Variants in CACNB2 observed in about 807,000 individuals in gnomAD.
CACNB2 encodes the protein voltage-dependent L-type calcium channel subunit beta-2.
In CACNB2, 42 loss-of-function variants were observed where a neutral mutation model predicts 73.3. The observed-to-expected ratio is 0.57, with a 90% CI of 0.45 to 0.74. The LOEUF (loss-of-function observed/expected upper bound fraction) is 0.74, where lower values mean the gene tolerates loss of function less well. CACNB2 is among the 30% of genes least tolerant of loss of function. The pLI is 0.00. For synonymous variants in CACNB2, 348 were observed against 310.3 expected (o/e 1.12, Z -1.28); for missense variants, 940 against 853.0 (o/e 1.10, Z -1.27).
At chr10:18,220,238 G>T (rs867037869) in intron 2 of CACNB2, among the ~76,000 whole-genome samples, 1,196 of 59,214 alleles carry the variant, frequency 0.02, 6 homozygotes, top group East Asian at 0.038. Context: ...TATATAGAGA[G>T]AGAGAGAGAG....
At chr10:18,335,276 A>T (rs898343050) in intron 2 of CACNB2, among the ~76,000 whole-genome samples, 2 of 152,112 alleles carry the variant, frequency 1.3e-5, no homozygotes, top group Non-Finnish European at 2.9e-5. Flanking sequence ...ATTATCTATC[A>T]TCTAAACCAT....
At chr10:18,255,499 A>C (rs184091393) in intron 2 of CACNB2, among the ~76,000 whole-genome samples, 5 of 152,268 alleles carry the variant, frequency 3.3e-5, no homozygotes, top group Middle Eastern at 3.4e-3. Flanking sequence ...ATTTGATTCA[A>C]ATTGCCTTGC....
At chr10:18,263,628 T>G (rs994380121) in intron 2 of CACNB2, among the ~76,000 whole-genome samples, 1 of 152,242 alleles carries the variant, frequency 6.6e-6, no homozygotes, top group Non-Finnish European at 1.5e-5. Context: ...TAAGAATTCC[T>G]CCTACTCAAA....
chr10:18,371,806 T>G (rs949788304), intron 2 of CACNB2, among the ~76,000 whole-genome samples: 6 of 152,220 alleles, frequency 3.9e-5, no homozygotes, highest in African/African-American at 7.2e-5. Context: ...TGAACTAGTT[T>G]ACAGTCCCAC....
chr10:18,356,088 G>A (rs1195791192), intron 2 of CACNB2, among the ~76,000 whole-genome samples: 1 of 152,174 alleles, frequency 6.6e-6, no homozygotes, highest in Admixed American at 6.5e-5. Context: ...GGTCCCAGGA[G>A]ACCTGGATCT....
chr10:18,176,784 A>C (rs145181892), intron 2 of CACNB2, among the ~76,000 whole-genome samples: 81 of 151,988 alleles, frequency 5.3e-4, no homozygotes, highest in African/African-American at 4.6e-4. Flanking sequence ...GTTTCAGAGA[A>C]TGCTGGGTGG....
chr10:18,427,350 A>T (rs2045659813), intron 3 of CACNB2, among the ~76,000 whole-genome samples: 1 of 151,948 alleles, frequency 6.6e-6, no homozygotes, highest in Non-Finnish European at 1.5e-5. Flanking sequence ...ACCTTTTTTT[A>T]ACATGTCGCT....
chr10:18,294,716 C>G (rs2039206775), intron 2 of CACNB2, among the ~76,000 whole-genome samples: 1 of 152,200 alleles, frequency 6.6e-6, no homozygotes, highest in Admixed American at 6.5e-5. Context: ...TGCTCAGATG[C>G]AAAGGCAGGA....
chr10:18,246,933 G>A (rs572455522), intron 2 of CACNB2, among the ~76,000 whole-genome samples: 1 of 152,046 alleles, frequency 6.6e-6, no homozygotes, highest in Non-Finnish European at 1.5e-5. Context: ...TTTAAACCTA[G>A]CCCGAATAAG....
chr10:18,423,067 G>A (rs113479298), intron 3 of CACNB2, among the ~76,000 whole-genome samples: 3,055 of 152,326 alleles, frequency 0.02, 45 homozygotes, highest in Middle Eastern at 0.034. Flanking sequence ...CACATGATCT[G>A]AGTGATAGGA....
chr10:18,217,006 C>T (rs1043939932), intron 2 of CACNB2, among the ~76,000 whole-genome samples: 8 of 152,118 alleles, frequency 5.3e-5, no homozygotes, highest in Admixed American at 4.6e-4. Context: ...ATAAATAGAA[C>T]CTTTTTATTC....
At chr10:18,200,454 C>T (rs1326758665) in intron 2 of CACNB2, among the ~76,000 whole-genome samples, 7 of 151,284 alleles carry the variant, frequency 4.6e-5, no homozygotes, top group Admixed American at 4.6e-4. Context: ...AAGGGGAAAT[C>T]TGATTGAATT....
intron 5 of CACNB2, among the ~76,000 whole-genome samples, chr10:18,503,937 C>T (rs1207873801): frequency 1.3e-5 from 2 of 152,142 alleles, no homozygotes; most frequent in Non-Finnish European, 2.9e-5. Context: ...CTCATAAAAA[C>T]TCCCCTGGCT....
intron 10 of CACNB2, among the ~76,000 whole-genome samples, chr10:18,532,273 A>G (rs1354435893): frequency 6.6e-6 from 1 of 152,178 alleles, no homozygotes; most frequent in Non-Finnish European, 1.5e-5. Flanking sequence ...GCTACCACAA[A>G]TATCTTTATA....
rs1005185319 is a variant in CACNB2, at chr10:18,542,884, T to G, written c.*3160T>G. The G allele has an allele frequency of 7.8e-6, 1 of 127,622 alleles. No individual in the cohort carries two copies. Among genetic ancestry groups the G allele is most frequent in the African/African-American group, 2.8e-5 (1 of 35,986 alleles). 7.9% of individuals were successfully genotyped at this position (127,622 alleles called of 1,614,324 possible). A position where few individuals can be genotyped will look rare whatever the true frequency, so the allele number is the denominator to read the frequency against. ...ATGCTGGAAATGTATTTAATAGTTTTTTTTTTTTTTTTTTTTGGTCATATC... is the reference window on the plus strand; with the variant it reads ...ATGCTGGAAATGTATTTAATAGTTTGTTTTTTTTTTTTTTTTGGTCATATC... On this transcript the variant is annotated 3_prime_UTR_variant, in exon 14 of 14. Coordinates refer to ENST00000324631, the MANE Select transcript of CACNB2 (RefSeq NM_201596.3).
At chr10:18,410,068 C>T (rs890018397) in intron 3 of CACNB2, among the ~76,000 whole-genome samples, 6 of 152,140 alleles carry the variant, frequency 3.9e-5, no homozygotes, top group African/African-American at 1.4e-4. Flanking sequence ...CTTCATCCTT[C>T]AGAGGTGCCT....
At chr10:18,178,534 TA>T (rs2033716747) in intron 2 of CACNB2, among the ~76,000 whole-genome samples, 1 of 152,190 alleles carries the variant, frequency 6.6e-6, no homozygotes, top group Non-Finnish European at 1.5e-5. Flanking sequence ...TGATTCCTTT[TA>T]TTTTTATTAT....
chr10:18,261,447 A>G (rs754621054), intron 2 of CACNB2: 94 of 1,266,758 alleles, frequency 7.4e-5, no homozygotes, highest in Non-Finnish European at 1.0e-4. Flanking sequence ...ATCATTTCGT[A>G]CCATGAGTTT....
intron 2 of CACNB2, among the ~76,000 whole-genome samples, chr10:18,212,432 T>C (rs1227010079): frequency 6.6e-6 from 1 of 152,206 alleles, no homozygotes; most frequent in Non-Finnish European, 1.5e-5. Context: ...TTGTCAGTTT[T>C]ATGTGTTGCA....
Sources: allele counts gnomAD v4.1 joint callset (sites outside exome capture counted in the v4.1 genomes callset), GRCh38; gene constraint gnomAD v4.1.1; transcripts MANE v1.5; gene names NCBI Gene and HGNC (gene_info 2026-07-23, HGNC 2026-07-21).